COL4A3: variants seen among roughly 807,000 people sequenced by gnomAD.
COL4A3 encodes the protein collagen type IV alpha 3 chain.
A neutral mutation model predicts 217.4 loss-of-function variants in COL4A3; 135 were observed. That is an observed-to-expected ratio of 0.62 (90% confidence interval 0.54 to 0.72). The LOEUF (loss-of-function observed/expected upper bound fraction) is 0.72. Among genes scored for constraint, COL4A3 ranks in the 30% least tolerant of loss-of-function variants. The pLI, the probability that COL4A3 is intolerant of heterozygous loss-of-function variation, is 0.00. For synonymous variants in COL4A3, 690 were observed against 736.3 expected, an observed-to-expected ratio of 0.94 and a Z score of 1.02; for missense variants, 1,868 against 2,119.9, an observed-to-expected ratio of 0.88 and a Z score of 2.33.
rs532985233 is a variant in COL4A3 at position 227,290,892 on chromosome 2, T to A, written c.3210+6T>A. 1.9e-6 allele frequency: 3 copies of A among 1,609,768 alleles called. No homozygotes were observed. The highest frequency in any genetic ancestry group is 2.7e-5 in the African/African-American group (2 of 74,952). On this transcript the variant is annotated splice_donor_region_variant and intron_variant, in intron 37 of 51. Transcript: ENST00000396578. Reference sequence around the variant, plus strand: ...CAGGACCACCGGGACCAACGGTATATAGGCCACTGAAATATTTACATTTTA... The same window carrying A: ...CAGGACCACCGGGACCAACGGTATAAAGGCCACTGAAATATTTACATTTTA...
intron 1 of COL4A3, among the ~76,000 whole-genome samples, chr2:227,187,188 A>G (rs2066063788): frequency 6.6e-6 from 1 of 152,184 alleles, no homozygotes; most frequent in African/African-American, 2.4e-5. Context: ...ATACTAGAGT[A>G]ATTTTTCCAT....
At chr2:227,168,189 G>T (rs561112853) in intron 1 of COL4A3, among the ~76,000 whole-genome samples, 10 of 152,268 alleles carry the variant, frequency 6.6e-5, no homozygotes, top group Middle Eastern at 3.4e-3. Flanking sequence ...TTTGGTATAT[G>T]CACCACTGTG....
Position 227,164,696 on chromosome 2 carries a change from G to C in COL4A3, c.-31G>C. 2.6e-6 allele frequency: 4 copies of C among 1,530,072 alleles called. No homozygotes were observed. The highest frequency in any genetic ancestry group is 3.5e-6 in the Non-Finnish European group (4 of 1,145,044). The allele number at this position is 1,530,072 out of a possible 1,614,324, so 94.8% of individuals were successfully genotyped here. ...TGGCCTGAGAGCCTGAGGGTCCCCG[G>C]ACTCGCCCAGGCTCTGAGCGCGCGC... On this transcript the variant is annotated 5_prime_UTR_variant, in exon 1 of 52. Coordinates refer to ENST00000396578, the MANE Select transcript of COL4A3 (RefSeq NM_000091.5). This position sits in a 1 kb window ranked among gnomAD's most constrained non-coding sequence, Gnocchi z 4.8.
At chr2:227,251,899 T>A (rs2069762424) in intron 11 of COL4A3, among the ~76,000 whole-genome samples, 1 of 151,760 alleles carries the variant, frequency 6.6e-6, no homozygotes, top group African/African-American at 2.4e-5. Context: ...TGAAATCCCA[T>A]CTCTACTAAA....
chr2:227,273,409 T>C (rs1394100152), intron 26 of COL4A3, among the ~76,000 whole-genome samples: 1 of 152,112 alleles, frequency 6.6e-6, no homozygotes, highest in Non-Finnish European at 1.5e-5. Flanking sequence ...AAATTTGTTT[T>C]TTGTGGTTTT....
chr2:227,294,874 C>G, intron 39 of COL4A3, 90 bp from the exon 40 acceptor site: 1 of 983,886 alleles, frequency 1.0e-6, no homozygotes, highest in Middle Eastern at 2.4e-4. Flanking sequence ...ACACATCTCC[C>G]TGGTATTCCC....
At position 227,221,761 on chromosome 2, in the gene COL4A3, G is replaced by A. The variant is rs529272578; in HGVS notation, c.88-16207G>A. Among the ~76,000 whole-genome samples, 22 of 151,908 alleles carry A rather than the reference G, an allele frequency of 1.4e-4. No homozygotes were observed. The East Asian group carries it at 1.5e-3, about 11-fold the overall frequency. Reference sequence around the variant, plus strand: ...TCCCCCTGTTAGAACATAAGCTACCGTGTCCCCTGTATCTAGAATAGTGCC... The same window carrying A: ...TCCCCCTGTTAGAACATAAGCTACCATGTCCCCTGTATCTAGAATAGTGCC... On this transcript the variant is annotated intron_variant, in intron 1 of 51. Transcript: ENST00000396578.
At chr2:227,197,865 A>C (rs1325126502) in intron 1 of COL4A3, among the ~76,000 whole-genome samples, 1 of 152,228 alleles carries the variant, frequency 6.6e-6, no homozygotes, top group Non-Finnish European at 1.5e-5. Flanking sequence ...AGGAAATGGC[A>C]GAGAGGAGAA....
chr2:227,236,255 G>A (rs1445496698), intron 1 of COL4A3, among the ~76,000 whole-genome samples: 1 of 152,220 alleles, frequency 6.6e-6, no homozygotes, highest in Non-Finnish European at 1.5e-5. Flanking sequence ...CCTCTGGGTA[G>A]ATACCCAGTA....
chr2:227,211,201 A>T (rs1178952412), intron 1 of COL4A3, among the ~76,000 whole-genome samples: 1 of 152,160 alleles, frequency 6.6e-6, no homozygotes, highest in African/African-American at 2.4e-5. Flanking sequence ...GGGTTTCACC[A>T]TGTTGGCCAG....
intron 1 of COL4A3, among the ~76,000 whole-genome samples, chr2:227,204,514 G>A (rs371870545): frequency 2.6e-5 from 4 of 152,100 alleles, no homozygotes; most frequent in Non-Finnish European, 4.4e-5. Flanking sequence ...CACCATATAC[G>A]AAGGGACCCG....
chr2:227,173,461 C>T (rs78563187), intron 1 of COL4A3, among the ~76,000 whole-genome samples: 6,198 of 152,258 alleles, frequency 0.041, 201 homozygotes, highest in Admixed American at 0.083. Context: ...CCTTTCCATT[C>T]TTCCAGGTGT....
At chr2:227,185,062 A>G (rs1326748363) in intron 1 of COL4A3, among the ~76,000 whole-genome samples, 3 of 151,720 alleles carry the variant, frequency 2.0e-5, no homozygotes, top group Admixed American at 6.6e-5. Flanking sequence ...CCACACGCCC[A>G]GCTAATTTTT....
intron 34 of COL4A3, among the ~76,000 whole-genome samples, chr2:227,286,193 C>A (rs577227045): frequency 2.5e-4 from 38 of 152,298 alleles, no homozygotes; most frequent in Non-Finnish European, 4.9e-4. Context: ...TTAATCCTCA[C>A]AATAACCCTA....
chr2:227,201,600 G>T (rs901777792), intron 1 of COL4A3, among the ~76,000 whole-genome samples: 3 of 152,164 alleles, frequency 2.0e-5, no homozygotes, highest in African/African-American at 4.8e-5. Context: ...GTGTGGGGTC[G>T]TGTGTTTAGA....
chr2:227,303,886 G>T lies in COL4A3; in HGVS notation c.3983G>T (p.Gly1328Val), dbSNP rs372237167. 25 of 1,614,034 alleles carry T rather than the reference G, an allele frequency of 1.5e-5. No individual in the cohort carries two copies. In the African/African-American group the frequency reaches 3.2e-4, roughly 21 times the overall value. ...KGEKGNPGFL[G>V]SIGPPGPIGP... ...GAAAAGGGTAATCCTGGATTTCTAG[G>T]ATCCATTGGACCTCCAGGACCAATT... is the stretch of plus-strand genomic sequence containing the variant. The change falls in exon 45 of 52, where the codon GGA (glycine) becomes GTA (valine). Residue 1328 changes from glycine (G) to valine (V), a missense_variant. Physicochemically the swap from Gly to Val is moderately radical, Grantham distance 109. Around this residue, in one of 2 missense-constraint regions of COL4A3, gnomAD observed 1,503 missense variants for 1,786.1 expected, o/e 0.84. Coordinates refer to ENST00000396578, the MANE Select transcript of COL4A3 (RefSeq NM_000091.5).
intron 48 of COL4A3, among the ~76,000 whole-genome samples, 161 bp from the exon 49 acceptor site, chr2:227,308,738 A>C: frequency 6.6e-6 from 1 of 152,272 alleles, no homozygotes; most frequent in East Asian, 1.9e-4. Context: ...GATTTCTATC[A>C]GTATGAAAAC....
chr2:227,280,343 G>A, intron 29 of COL4A3, 97 bp from the exon 30 acceptor site: 1 of 1,343,948 alleles, frequency 7.4e-7, no homozygotes, highest in South Asian at 1.2e-5. Flanking sequence ...CATGGTAGTG[G>A]CTGTGCAACA....
At chr2:227,233,468 C>T (rs921151653) in intron 1 of COL4A3, among the ~76,000 whole-genome samples, 1 of 152,166 alleles carries the variant, frequency 6.6e-6, no homozygotes, top group Non-Finnish European at 1.5e-5. Flanking sequence ...CACTAGATTA[C>T]AGAATTTGTG....
Sources: allele counts gnomAD v4.1 joint callset (sites outside exome capture counted in the v4.1 genomes callset), GRCh38; gene constraint gnomAD v4.1.1; regional missense constraint gnomAD v4.1.1; non-coding constraint Gnocchi (gnomAD v3.1); transcripts MANE v1.5; gene names NCBI Gene and HGNC (gene_info 2026-07-23, HGNC 2026-07-21).